CEP85L: variants seen among roughly 807,000 people sequenced by gnomAD.
CEP85L encodes the protein centrosomal protein of 85 kDa-like.
Under a neutral mutation model 100.3 loss-of-function variants are expected in CEP85L, and 60 were observed. That is an observed-to-expected ratio of 0.60 (90% CI 0.49 to 0.74). CEP85L has a LOEUF of 0.74. Ranked by LOEUF, CEP85L falls within the 30% of genes least tolerant of loss-of-function variation. CEP85L has a pLI of 0.00. For synonymous variants in CEP85L, 319 were observed against 322.7 expected (o/e 0.99, Z 0.12); for missense variants, 973 against 936.2 (o/e 1.04, Z -0.51).
chr6:118,476,561 T>A (rs1451756325), intron 10 of CEP85L, among the ~76,000 whole-genome samples: 1 of 152,214 alleles, frequency 6.6e-6, no homozygotes, highest in Non-Finnish European at 1.5e-5. Flanking sequence ...ACCTATAAGA[T>A]ATTCCATTGA....
intron 1 of CEP85L, among the ~76,000 whole-genome samples, chr6:118,700,217 C>G (rs947741954): frequency 1.3e-5 from 2 of 152,232 alleles, no homozygotes; most frequent in African/African-American, 4.8e-5. Flanking sequence ...ATTTCTTCCT[C>G]CTTCTAGAGG....
At chr6:118,665,870 C>A (rs1417778392) in intron 1 of CEP85L, among the ~76,000 whole-genome samples, 1 of 152,106 alleles carries the variant, frequency 6.6e-6, no homozygotes, top group African/African-American at 2.4e-5. Flanking sequence ...TTCTGTTTTC[C>A]TACACAGGCC....
intron 5 of CEP85L, chr6:118,501,447 G>A: frequency 2.6e-6 from 1 of 389,758 alleles, no homozygotes; most frequent in Non-Finnish European, 4.9e-6. Context: ...CAACTGATGA[G>A]ACAGCTGCAG....
At chr6:118,527,812 T>C (rs1019963106) in intron 3 of CEP85L, among the ~76,000 whole-genome samples, 1 of 152,202 alleles carries the variant, frequency 6.6e-6, no homozygotes, top group Non-Finnish European at 1.5e-5. Flanking sequence ...TATCTATTTT[T>C]ATTTACCTAC....
intron 1 of CEP85L, among the ~76,000 whole-genome samples, chr6:118,700,967 G>A (rs979633986): frequency 7.9e-5 from 12 of 152,132 alleles, no homozygotes; most frequent in African/African-American, 2.9e-4. Flanking sequence ...AATTAGCTTT[G>A]TCCTCAGGAG....
At chr6:118,482,430 C>T (rs142416713) in intron 7 of CEP85L, among the ~76,000 whole-genome samples, 5 of 152,270 alleles carry the variant, frequency 3.3e-5, no homozygotes, top group African/African-American at 1.2e-4. Context: ...CTTAAGGTAT[C>T]TCATTAAGTG....
Position 118,558,787 on chromosome 6 carries a change from T to G in CEP85L, c.1020+6742A>C, listed in dbSNP as rs181727742. 31 of 713,918 alleles carry G rather than the reference T, an allele frequency of 4.3e-5. No individual in the cohort carries two copies. In the African/African-American group the frequency reaches 5.1e-4, roughly 12 times the overall value. The allele number at this position is 713,918 out of a possible 1,614,324, so 44.2% of individuals were successfully genotyped here. ...TTTTTTGTTCTGAGGATAGGTTACATAGATGATTCTAATCCATTTATTATT... is the reference window on the plus strand; with the variant it reads ...TTTTTTGTTCTGAGGATAGGTTACAGAGATGATTCTAATCCATTTATTATT... On this transcript the variant is annotated intron_variant, in intron 3 of 12. Coordinates refer to ENST00000368491, the MANE Select transcript of CEP85L (RefSeq NM_001042475.3).
intron 10 of CEP85L, among the ~76,000 whole-genome samples, chr6:118,476,296 T>A (rs188548876): frequency 6.6e-6 from 1 of 152,004 alleles, no homozygotes; most frequent in Non-Finnish European, 1.5e-5. Flanking sequence ...TTTTTTTTTT[T>A]AAAGCTACTT....
At chr6:118,583,723 A>G (rs1780704182) in intron 2 of CEP85L, among the ~76,000 whole-genome samples, 2 of 152,188 alleles carry the variant, frequency 1.3e-5, no homozygotes, top group African/African-American at 4.8e-5. Context: ...GCCATTATTA[A>G]TAACCTAAAG....
At chr6:118,483,460 G>T (rs1395983731) in intron 7 of CEP85L, among the ~76,000 whole-genome samples, 1 of 152,038 alleles carries the variant, frequency 6.6e-6, no homozygotes, top group Non-Finnish European at 1.5e-5. Context: ...TTGGCAGACT[G>T]GTTTAGAAAC....
rs76551204 is a variant in CEP85L at position 118,587,860 on chromosome 6, A to G, written c.233-21544T>C. Among the ~76,000 whole-genome samples, 396 of 152,360 alleles carry G rather than the reference A, an allele frequency of 2.6e-3. 1 individual carries two copies. The highest frequency in any genetic ancestry group is 9.1e-3 in the African/African-American group (379 of 41,588). On this transcript the variant is annotated intron_variant, in intron 2 of 12. Coordinates refer to ENST00000368491, the MANE Select transcript of CEP85L (RefSeq NM_001042475.3). ...CCTAAATATGGTTATCTTTATCCCA[A>G]GGATGCCTCTATTATATGTAAAGAA...
At chr6:118,541,953 CA>C (rs1470193406) in intron 3 of CEP85L, among the ~76,000 whole-genome samples, 3 of 152,082 alleles carry the variant, frequency 2.0e-5, no homozygotes, top group Non-Finnish European at 4.4e-5. Flanking sequence ...ATTTCAAAAA[CA>C]AATCAAATTC....
chr6:118,518,734 G>T (rs531339478), intron 4 of CEP85L, among the ~76,000 whole-genome samples: 5 of 152,198 alleles, frequency 3.3e-5, no homozygotes, highest in African/African-American at 1.2e-4. Flanking sequence ...ATCTCCTTCA[G>T]TTCTGCTCTG....
At chr6:118,651,687 G>A, upstream of CEP85L, 3 of 659,596 alleles carry the variant, frequency 4.5e-6, no homozygotes, top group Non-Finnish European at 5.5e-6. Context: ...GCCGCGCGGG[G>A]CGGGGACTGC....
chr6:118,654,621 T>C (rs545070523), upstream of CEP85L, among the ~76,000 whole-genome samples: 1 of 152,264 alleles, frequency 6.6e-6, no homozygotes, highest in South Asian at 2.1e-4. Flanking sequence ...TCATTTATAA[T>C]TTAAAAAAAC....
At chr6:118,659,615 A>G (rs943403557) in intron 1 of CEP85L, among the ~76,000 whole-genome samples, 8 of 152,214 alleles carry the variant, frequency 5.3e-5, no homozygotes, top group Admixed American at 4.6e-4. Context: ...GAGATGGTAG[A>G]TTGGGAGCAT....
chr6:118,676,621 T>A (rs1048906553), intron 1 of CEP85L, among the ~76,000 whole-genome samples: 1 of 152,244 alleles, frequency 6.6e-6, no homozygotes, highest in African/African-American at 2.4e-5. Context: ...GTATCTTTAC[T>A]ATTGTGAATA....
rs371924081 is a variant in CEP85L at position 118,481,881 on chromosome 6, G to C, written c.1643C>G (p.Thr548Arg). The part of the protein sequence containing the change: ...NKNLQEALID[T>R]EKKLEEIKKQ... ...TTTGATCTCTTCAAGTTTTTTTTCT[G>C]TATCTATCAAAGCCTCTTGTAAATT... The change falls in exon 8 of 13, where the codon ACA (threonine) becomes AGA (arginine). Residue 548 changes from threonine (T) to arginine (R), a missense_variant. Around this residue, in one of 3 missense-constraint regions of CEP85L, gnomAD observed 890 missense variants for 844.5 expected, o/e 1.05. Coordinates refer to ENST00000368491, the MANE Select transcript of CEP85L (RefSeq NM_001042475.3). 3.8e-6 allele frequency: 6 copies of C among 1,584,762 alleles called. No homozygotes were observed. The highest frequency in any genetic ancestry group is 4.3e-6 in the Non-Finnish European group (5 of 1,163,402).
At chr6:118,706,075 G>A (rs2114382762) in intron 1 of CEP85L, among the ~76,000 whole-genome samples, 1 of 152,330 alleles carries the variant, frequency 6.6e-6, no homozygotes, top group East Asian at 1.9e-4. Context: ...GTGTGTCCCA[G>A]CTCCTCTGGT....
Sources: gnomAD v4.1 joint callset for allele counts (sites outside exome capture counted in the v4.1 genomes callset) on GRCh38, gnomAD v4.1.1 for gene constraint, gnomAD v4.1.1 regional missense constraint, MANE v1.5 for transcripts, NCBI Gene and HGNC (gene_info 2026-07-23, HGNC 2026-07-21) for gene names.